The following TENM1 variants were observed in gnomAD, a reference collection of about 807,000 sequenced individuals.
The protein encoded by TENM1 is teneurin transmembrane protein 1.
Under a neutral mutation model 174.8 loss-of-function variants are expected in TENM1, and 35 were observed. The ratio of observed to expected loss-of-function variants is 0.20; its 90% CI spans 0.15 to 0.27. The LOEUF (loss-of-function observed/expected upper bound fraction) is 0.27, where lower values mean the gene tolerates loss of function less well. Ranked by LOEUF, TENM1 falls within the 10% of genes least tolerant of loss-of-function variation. TENM1 has a pLI of 1.00. For missense variants in TENM1, 1,633 were observed against 2,130.1 expected, an observed-to-expected ratio of 0.77 and a Z score of 4.59; for synonymous variants, 781 against 798.7, an observed-to-expected ratio of 0.98 and a Z score of 0.37.
rs375687625 is a variant in TENM1, at chrX:124,398,059, T to A, written c.5392-5711A>T. Among the ~76,000 whole-genome samples, 177 of 108,953 alleles carry A rather than the reference T, an allele frequency of 1.6e-3. 1 individual carries two copies. The highest frequency in any genetic ancestry group is 5.3e-3 in the African/African-American group (160 of 30,129). The allele number at this position is 108,953 out of a possible 115,157, so 94.6% of individuals were successfully genotyped here. On this transcript the variant is annotated intron_variant, in intron 27 of 31. Transcript: ENST00000422452. ...CTGGCTAATGCGGTGAAACCCCATCTCTATTAAAAATACAAAAAATTAGCC... is the reference window on the plus strand; with the variant it reads ...CTGGCTAATGCGGTGAAACCCCATCACTATTAAAAATACAAAAAATTAGCC...
the TENM1 span, among the ~76,000 whole-genome samples, chrX:125,140,362 C>T: frequency 1.8e-5 from 2 of 111,611 alleles, no homozygotes; most frequent in African/African-American, 6.5e-5. Flanking sequence ...CATGTTCTCA[C>T]TCATATGTGG....
At chrX:124,385,536 A>G in intron 29 of TENM1, 141 bp downstream of exon 32, 1 of 562,503 alleles carries the variant, frequency 1.8e-6, no homozygotes, top group Non-Finnish European at 2.8e-6. Context: ...TACATTTTCA[A>G]TGTCAGATAA....
intron 5 of TENM1, among the ~76,000 whole-genome samples, chrX:124,702,204 C>T (rs1437794776): frequency 8.9e-6 from 1 of 111,800 alleles, no homozygotes; most frequent in Non-Finnish European, 1.9e-5. Context: ...ATTTAAAAAT[C>T]ATCTTGTATA....
At chrX:124,807,878 T>TAAACACACAC (rs1284567007) in intron 3 of TENM1, among the ~76,000 whole-genome samples, 2 of 85,178 alleles carry the variant, frequency 2.3e-5, no homozygotes, top group Middle Eastern at 5.5e-3. Flanking sequence ...GAAAATCACT[T>TAAACACACAC]ACACACACAC....
chrX:124,758,144 ACAATT>A (rs1261366055), intron 3 of TENM1, among the ~76,000 whole-genome samples: 1 of 112,295 alleles, frequency 8.9e-6, no homozygotes, highest in East Asian at 2.8e-4. Flanking sequence ...AGGAACTCAT[ACAATT>A]CAATAGCAGA....
chrX:124,719,670 A>G (rs1166999654), intron 4 of TENM1, among the ~76,000 whole-genome samples: 1 of 111,377 alleles, frequency 9.0e-6, no homozygotes, highest in African/African-American at 3.3e-5. Context: ...AAGAAGAAAC[A>G]CATTGGTTCA....
chrX:124,554,860 C>A (rs2048658904), intron 14 of TENM1, among the ~76,000 whole-genome samples: 1 of 111,640 alleles, frequency 9.0e-6, no homozygotes, highest in Non-Finnish European at 1.9e-5. Flanking sequence ...CCTGGAAGAT[C>A]ATTCTCTTTT....
At chrX:124,523,282 A>T (rs2047894528) in intron 17 of TENM1, 82 bp downstream of exon 20, 1 of 998,475 alleles carries the variant, frequency 1.0e-6, no homozygotes, top group Non-Finnish European at 1.4e-6. Flanking sequence ...TAACAAGAAT[A>T]GGAAAAGGAA....
the TENM1 span, among the ~76,000 whole-genome samples, chrX:125,166,693 G>T: frequency 1.2e-4 from 13 of 111,398 alleles, 1 homozygote; most frequent in Middle Eastern, 0.013. Flanking sequence ...TTGCATATTA[G>T]GTGGTATCTA....
intron 28 of TENM1, among the ~76,000 whole-genome samples, chrX:124,387,285 T>C (rs5958479): frequency 1.7e-3 from 188 of 110,830 alleles, no homozygotes; most frequent in African/African-American, 6.0e-3. Context: ...GTAACAGGTG[T>C]TTCATAAATA....
chrX:124,524,406 A>G (rs745726443), intron 16 of TENM1, among the ~76,000 whole-genome samples: 34 of 112,259 alleles, frequency 3.0e-4, no homozygotes, highest in African/African-American at 1.1e-3. Flanking sequence ...CAGGGTCACA[A>G]ACATCGTGTC....
intron 18 of TENM1, among the ~76,000 whole-genome samples, chrX:124,518,491 T>A: frequency 9.0e-6 from 1 of 110,722 alleles, no homozygotes; most frequent in Non-Finnish European, 1.9e-5. Flanking sequence ...ACACCCTTCT[T>A]AGAGAAGCTA....
chrX:124,474,223 C>G (rs188355967), intron 22 of TENM1, among the ~76,000 whole-genome samples: 53 of 111,571 alleles, frequency 4.8e-4, no homozygotes, highest in Non-Finnish European at 8.9e-4. Flanking sequence ...CAGTAACATA[C>G]TTTATGCTGG....
chrX:124,482,557 T>G (rs901777608), intron 21 of TENM1, among the ~76,000 whole-genome samples: 1 of 111,541 alleles, frequency 9.0e-6, no homozygotes, highest in Admixed American at 9.6e-5. Context: ...TACCACAGTT[T>G]TCTAATCTGG....
intron 3 of TENM1, among the ~76,000 whole-genome samples, chrX:124,827,271 G>A (rs780246630): frequency 4.3e-4 from 48 of 111,471 alleles, no homozygotes; most frequent in Non-Finnish European, 6.2e-4. Flanking sequence ...GGCTGGTCTC[G>A]AACTCCTGAC....
chrX:124,773,091 C>T (rs1213969713), intron 3 of TENM1, among the ~76,000 whole-genome samples: 1 of 111,674 alleles, frequency 9.0e-6, no homozygotes, highest in Non-Finnish European at 1.9e-5. Context: ...CAGCAATGTG[C>T]CTTTCTAATA....
At chrX:124,926,923 T>C (rs978259164) in intron 1 of TENM1, among the ~76,000 whole-genome samples, 1 of 112,464 alleles carries the variant, frequency 8.9e-6, no homozygotes, top group Non-Finnish European at 1.9e-5. Flanking sequence ...GAAGTCTTCC[T>C]CACACTTCCA....
At chrX:124,632,639 T>TATCATCAA (rs1261029912) in intron 11 of TENM1, among the ~76,000 whole-genome samples, 4 of 111,187 alleles carry the variant, frequency 3.6e-5, no homozygotes, top group Admixed American at 1.9e-4. Context: ...AGGTATTTTG[T>TATCATCAA]ATCATCAAAG....
chrX:125,097,641 G>A, the TENM1 span, among the ~76,000 whole-genome samples: 1 of 111,985 alleles, frequency 8.9e-6, no homozygotes, highest in African/African-American at 3.2e-5. Context: ...TGAGGTCTGT[G>A]ACACAAATAT....
Sources: gnomAD v4.1 joint callset for allele counts (sites outside exome capture counted in the v4.1 genomes callset) on GRCh38, gnomAD v4.1.1 for gene constraint, MANE v1.5 for transcripts, NCBI Gene and HGNC (gene_info 2026-07-23, HGNC 2026-07-21) for gene names.